Variants in ARHGAP29 observed in about 807,000 individuals in gnomAD.
ARHGAP29 encodes the protein rho GTPase-activating protein 29.
In ARHGAP29, 43 loss-of-function variants were observed where a neutral mutation model predicts 122.6. The ratio of observed to expected loss-of-function variants is 0.35; its 90% CI spans 0.27 to 0.45. ARHGAP29 has a LOEUF of 0.45. Ranked by LOEUF, ARHGAP29 falls within the 20% of genes least tolerant of loss-of-function variation. The pLI, the probability that ARHGAP29 is intolerant of heterozygous loss-of-function variation, is 1.00. For synonymous variants in ARHGAP29, 506 were observed against 497.1 expected (o/e 1.02, Z -0.24); for missense variants, 1,303 against 1,477.2 (o/e 0.88, Z 1.93).
At chr1:94,213,232 T>C (rs1182139419) in intron 3 of ARHGAP29, among the ~76,000 whole-genome samples, 1 of 152,160 alleles carries the variant, frequency 6.6e-6, no homozygotes, top group Non-Finnish European at 1.5e-5. Context: ...CAGGCTGGAG[T>C]GCAGTGGCGT....
At chr1:94,199,118 C>A (rs1488823504) in intron 12 of ARHGAP29, among the ~76,000 whole-genome samples, 1 of 152,064 alleles carries the variant, frequency 6.6e-6, no homozygotes, top group Non-Finnish European at 1.5e-5. Flanking sequence ...GGAGGGATAG[C>A]ATTAGGAGAA....
chr1:94,295,716 CTCCACACAATGTGGAATCTTCTAAT>C, the ARHGAP29 span, among the ~76,000 whole-genome samples: 395 of 88,032 alleles, frequency 4.5e-3, 1 homozygote, highest in African/African-American at 0.016. Context: ...GGAATTCTAA[CTCCACACAATGTGGAATCTTCTAAT>C]TCCACACAAT....
chr1:94,267,406 A>G (rs1329749321), intron 1 of ARHGAP29, among the ~76,000 whole-genome samples: 1 of 152,192 alleles, frequency 6.6e-6, no homozygotes, highest in East Asian at 1.9e-4. Flanking sequence ...GTAAAAGTGT[A>G]ATGTGACTGT....
At chr1:94,175,533 C>T (rs1222139566) in intron 22 of ARHGAP29, among the ~76,000 whole-genome samples, 2 of 152,184 alleles carry the variant, frequency 1.3e-5, no homozygotes, top group Non-Finnish European at 2.9e-5. Flanking sequence ...GCCCCAAGCA[C>T]AGCATGCAAT....
chr1:94,256,536 C>CTCTTTTTT (rs1654354734), intron 1 of ARHGAP29, among the ~76,000 whole-genome samples: 1 of 45,296 alleles, frequency 2.2e-5, no homozygotes, highest in Non-Finnish European at 3.7e-5. Context: ...CAGTACTAAT[C>CTCTTTTTT]TTTTTTTTTT....
At chr1:94,184,366 G>T in intron 18 of ARHGAP29, 78 bp from the exon 19 acceptor site, 1 of 1,035,740 alleles carries the variant, frequency 9.7e-7, no homozygotes, top group East Asian at 2.7e-5. Context: ...ACATATACTT[G>T]ATTTTCAATC....
At chr1:94,219,383 T>C (rs1189227165) in intron 3 of ARHGAP29, among the ~76,000 whole-genome samples, 3 of 152,180 alleles carry the variant, frequency 2.0e-5, no homozygotes, top group Admixed American at 6.5e-5. Context: ...ACTCAGCTGA[T>C]GTCATCCTTT....
intron 8 of ARHGAP29, 46 bp downstream of exon 8, chr1:94,203,884 G>T: frequency 6.5e-7 from 1 of 1,531,208 alleles, no homozygotes; most frequent in South Asian, 1.1e-5. Flanking sequence ...GGGAGTTCAT[G>T]AGTAGTTTCT....
chr1:94,286,483 C>T, the ARHGAP29 span, among the ~76,000 whole-genome samples: 8 of 152,040 alleles, frequency 5.3e-5, no homozygotes, highest in South Asian at 6.2e-4. Flanking sequence ...GCCTGGGCAA[C>T]ATGGTAAAAC....
At chr1:94,249,822 G>A (rs1305220234) in intron 1 of ARHGAP29, among the ~76,000 whole-genome samples, 1 of 151,898 alleles carries the variant, frequency 6.6e-6, no homozygotes, top group Non-Finnish European at 1.5e-5. Context: ...CTATTCTTGT[G>A]GCACTTATGG....
At chr1:94,185,279 A>G in intron 17 of ARHGAP29, 63 bp downstream of exon 17, 1 of 1,488,104 alleles carries the variant, frequency 6.7e-7, no homozygotes, top group Non-Finnish European at 8.9e-7. Context: ...AAGTAAAATT[A>G]AAAACAAAAA....
At chr1:94,288,198 G>A in the ARHGAP29 span, among the ~76,000 whole-genome samples, 1 of 152,342 alleles carries the variant, frequency 6.6e-6, no homozygotes, top group East Asian at 1.9e-4. Context: ...TCTAACTGGT[G>A]TGAGATAGTA....
chr1:94,180,608 T>C lies in ARHGAP29; in HGVS notation c.2248-651A>G, dbSNP rs1358845698. Among the ~76,000 whole-genome samples the C allele has an allele frequency of 2.6e-5, 4 of 152,294 alleles. No homozygotes were observed. The East Asian group carries it at 7.7e-4, about 29-fold the overall frequency. On this transcript the variant is annotated intron_variant, in intron 19 of 22. Transcript: ENST00000260526. ...ATTTTATCTGTGGTGAGTCAGAAGG[T>C]AGGTGCCCCTTTCTCTGGTTTCCTC...
chr1:94,169,484 T>C lies in ARHGAP29; in HGVS notation c.*4385A>G, dbSNP rs190550900. Among the ~76,000 whole-genome samples the C allele has an allele frequency of 2.6e-5, 4 of 152,340 alleles. No homozygotes were observed. The highest frequency in any genetic ancestry group is 7.2e-5 in the African/African-American group (3 of 41,580). On this transcript the variant is annotated 3_prime_UTR_variant, in exon 23 of 23. Transcript: ENST00000260526. ...TTTAGGATTATGGGAGTCAGGTTTC[T>C]ATGAGAGAAGGAAGTTACAAAGATG... is the stretch of plus-strand genomic sequence containing the variant.
chr1:94,184,829 A>G lies in ARHGAP29; in HGVS notation c.2109+43T>C, dbSNP rs374807783. The G allele has an allele frequency of 3.5e-6, 5 of 1,436,078 alleles. No individual in the cohort carries two copies. The African/African-American group carries it at 5.8e-5, about 17-fold the overall frequency. 89.0% of individuals were successfully genotyped at this position (1,436,078 alleles called of 1,614,324 possible). On this transcript the variant is annotated intron_variant, in intron 18 of 22. Transcript: ENST00000260526. The stretch of plus-strand genomic sequence containing the variant: ...TCTCCTTTTCATTAGAATAGGTTAC[A>G]CAGGCATTTATGCTTTTTAAAATTT...
chr1:94,184,286 T>A lies in ARHGAP29; in HGVS notation c.2112A>T (p.Gly704=). The change falls in exon 19 of 23, where the codon GGA becomes GGT. Residue 704 remains glycine, a splice_region_variant and synonymous_variant. Transcript: ENST00000260526. ...TTTTGTTTCCACACACACGATAAAT[T>A]CCCTTCAATAGAAAAGAAAAAAATT... ...EIENRALCLQ[G]IYRVCGNKIK... 1 of 1,596,158 alleles carries A rather than the reference T, an allele frequency of 6.3e-7. No individual in the cohort carries two copies. The highest frequency in any genetic ancestry group is 8.5e-7 in the Non-Finnish European group (1 of 1,175,430).
chr1:94,220,519 A>G, intron 2 of ARHGAP29, 127 bp from the exon 3 acceptor site: 10 of 712,236 alleles, frequency 1.4e-5, no homozygotes, highest in African/African-American at 3.6e-5. Context: ...CTATACATTC[A>G]TTTATATCTT....
the ARHGAP29 span, among the ~76,000 whole-genome samples, chr1:94,297,647 C>T: frequency 5.9e-5 from 9 of 152,162 alleles, no homozygotes; most frequent in African/African-American, 9.7e-5. Flanking sequence ...GAGGGAGTTA[C>T]GCTCGTCAGT....
Position 94,202,700 on chromosome 1 carries a change from T to C in ARHGAP29, c.987A>G (p.Lys329=). ...LEAENALKKA[K]LLCMQRQDEY... ...CATCTTGACGTTGCATGCATAATAA[T>C]TTTGCCTTTTTGAGAGCATTCTCTG... The change falls in exon 11 of 23, where the codon AAA becomes AAG. Residue 329 remains lysine (K), a synonymous_variant. Coordinates refer to ENST00000260526, the MANE Select transcript of ARHGAP29 (RefSeq NM_004815.4). 1 of 1,613,886 alleles carries C rather than the reference T, an allele frequency of 6.2e-7. No individual in the cohort carries two copies. The highest frequency in any genetic ancestry group is 8.5e-7 in the Non-Finnish European group (1 of 1,180,002).
Sources: gnomAD v4.1 joint callset for allele counts (sites outside exome capture counted in the v4.1 genomes callset) on GRCh38, gnomAD v4.1.1 for gene constraint, MANE v1.5 for transcripts, NCBI Gene and HGNC (gene_info 2026-07-23, HGNC 2026-07-21) for gene names.